Variants in ADAMTSL1 observed in about 807,000 individuals in gnomAD.
ADAMTSL1 encodes ADAMTS-like protein 1.
ADAMTSL1 carries 126 observed loss-of-function variants against 201.8 expected under a neutral mutation model. The observed-to-expected ratio is 0.62, with a 90% CI of 0.54 to 0.72. The LOEUF (loss-of-function observed/expected upper bound fraction) is 0.72, where lower values mean the gene tolerates loss of function less well. ADAMTSL1 is among the 30% of genes least tolerant of loss of function. ADAMTSL1 has a pLI of 0.00. For synonymous variants in ADAMTSL1, 1,121 were observed against 903.4 expected (o/e 1.24, Z -4.32); for missense variants, 2,679 against 2,277.8 (o/e 1.18, Z -3.59).
intron 2 of ADAMTSL1, among the ~76,000 whole-genome samples, chr9:18,349,617 T>G (rs1438511808): frequency 6.6e-6 from 1 of 152,164 alleles, no homozygotes; most frequent in Admixed American, 6.5e-5. Context: ...GTGGAAAATA[T>G]TTGGTATCCT....
At chr9:18,523,267 T>C (rs1194875597) in intron 2 of ADAMTSL1, among the ~76,000 whole-genome samples, 2 of 152,220 alleles carry the variant, frequency 1.3e-5, no homozygotes, top group Non-Finnish European at 2.9e-5. Flanking sequence ...TCATATCCTT[T>C]TCCCACTTTT....
At chr9:18,576,424 GA>G (rs1281606415) in intron 4 of ADAMTSL1, among the ~76,000 whole-genome samples, 1 of 152,156 alleles carries the variant, frequency 6.6e-6, no homozygotes, top group Non-Finnish European at 1.5e-5. Flanking sequence ...CACCTTGATA[GA>G]AAATGACAGC....
At chr9:17,966,383 G>T (rs1047870488) in intron 1 of ADAMTSL1, among the ~76,000 whole-genome samples, 10 of 152,088 alleles carry the variant, frequency 6.6e-5, no homozygotes, top group African/African-American at 2.4e-4. Context: ...AGTTGAAGGT[G>T]AACACCACCC....
chr9:18,650,126 C>A lies in ADAMTSL1; in HGVS notation c.835-7513C>A, dbSNP rs116160267. Among the ~76,000 whole-genome samples, 787 of 152,340 alleles carry A rather than the reference C, an allele frequency of 5.2e-3. 6 individuals carry two copies. Among genetic ancestry groups the A allele is most frequent in the African/African-American group, 0.018 (744 of 41,584 alleles). On this transcript the variant is annotated intron_variant, in intron 7 of 28. Transcript: ENST00000380548. ...GCCCATCCCCAAGCCTCGCTGCCGC[C>A]TTGCAGTTTGATCTCTGACTGCTTT...
intron 23 of ADAMTSL1, among the ~76,000 whole-genome samples, chr9:18,881,935 C>A (rs1056489413): frequency 6.6e-6 from 1 of 152,146 alleles, no homozygotes; most frequent in East Asian, 1.9e-4. Context: ...GGAACAAGAC[C>A]AAGACCCAAG....
rs766637546 is a variant in ADAMTSL1, at chr9:18,680,339, C to T, written c.1164C>T (p.Cys388=). The T allele has an allele frequency of 4.3e-6, 7 of 1,614,144 alleles. No individual in the cohort carries two copies. The highest frequency in any genetic ancestry group is 5.9e-6 in the Non-Finnish European group (7 of 1,180,030). The change falls in exon 11 of 29, where the codon TGC becomes TGT. Residue 388 remains cysteine (C), a synonymous_variant. Transcript: ENST00000380548. ...PRWEATPWTA[C]SSSCGGGIQS... ...GGGAGGCCACCCCATGGACCGCGTG[C>T]TCCTCCTCGTGTGGGGGGGGCATCC...
chr9:18,214,341 G>A (rs1293490154), intron 2 of ADAMTSL1, among the ~76,000 whole-genome samples: 2 of 152,174 alleles, frequency 1.3e-5, no homozygotes, highest in Non-Finnish European at 2.9e-5. Flanking sequence ...GTTATGTAGT[G>A]TGTTTGTTAT....
At chr9:18,376,511 T>A (rs1288958016) in intron 2 of ADAMTSL1, among the ~76,000 whole-genome samples, 1 of 152,042 alleles carries the variant, frequency 6.6e-6, no homozygotes, top group African/African-American at 2.4e-5. Flanking sequence ...GTAATAGAAA[T>A]AAAAGACTTA....
chr9:18,881,554 A>C (rs1479020544), intron 23 of ADAMTSL1, among the ~76,000 whole-genome samples: 2 of 152,218 alleles, frequency 1.3e-5, no homozygotes, highest in Non-Finnish European at 2.9e-5. Context: ...ACCCCAAAAC[A>C]ATTACAATAG....
intron 23 of ADAMTSL1, among the ~76,000 whole-genome samples, chr9:18,839,811 T>C (rs1455238565): frequency 1.3e-5 from 2 of 151,878 alleles, no homozygotes; most frequent in South Asian, 2.1e-4. Context: ...TTTCATGTGT[T>C]TTTTGGCTGC....
intron 1 of ADAMTSL1, among the ~76,000 whole-genome samples, chr9:17,917,691 G>A (rs115343832): frequency 0.016 from 2,448 of 151,922 alleles, 65 homozygotes; most frequent in African/African-American, 0.053. Flanking sequence ...GAGCAATGCC[G>A]GCTTCATAGA....
chr9:18,883,885 CA>C (rs1828695570), intron 23 of ADAMTSL1, among the ~76,000 whole-genome samples: 1 of 152,106 alleles, frequency 6.6e-6, no homozygotes, highest in Non-Finnish European at 1.5e-5. Flanking sequence ...CATAGGTGTA[CA>C]AATATCTTTT....
chr9:18,270,381 T>A (rs779685011), intron 2 of ADAMTSL1, among the ~76,000 whole-genome samples: 14 of 152,076 alleles, frequency 9.2e-5, no homozygotes, highest in Admixed American at 1.3e-4. Flanking sequence ...GTTCAGACCA[T>A]AGGAGACTTC....
intron 2 of ADAMTSL1, among the ~76,000 whole-genome samples, chr9:18,193,851 A>T (rs573311868): frequency 6.6e-6 from 1 of 152,210 alleles, no homozygotes; most frequent in South Asian, 2.1e-4. Flanking sequence ...TATTATTTGA[A>T]TCCCTGTATT....
intron 25 of ADAMTSL1, 150 bp downstream of exon 25, chr9:18,889,898 C>A: frequency 2.7e-6 from 2 of 740,874 alleles, no homozygotes; most frequent in Non-Finnish European, 3.9e-6. Flanking sequence ...GCTTATCAGG[C>A]CTCTCCACCT....
chr9:17,947,346 C>CA (rs1554668688), intron 1 of ADAMTSL1, among the ~76,000 whole-genome samples: 401 of 93,756 alleles, frequency 4.3e-3, no homozygotes, highest in African/African-American at 0.017. Context: ...CACACACACA[C>CA]CCCACTATGC....
intron 1 of ADAMTSL1, among the ~76,000 whole-genome samples, chr9:17,962,746 T>C (rs1273479658): frequency 6.6e-6 from 1 of 152,222 alleles, no homozygotes; most frequent in Non-Finnish European, 1.5e-5. Context: ...TGTATATGTT[T>C]TAAAATTTCA....
intron 14 of ADAMTSL1, among the ~76,000 whole-genome samples, chr9:18,708,196 G>A (rs1438023739): frequency 1.3e-5 from 2 of 152,210 alleles, no homozygotes; most frequent in Non-Finnish European, 2.9e-5. Flanking sequence ...TGTCATGATT[G>A]AGAACGTAAG....
intron 3 of ADAMTSL1, among the ~76,000 whole-genome samples, chr9:18,546,499 G>A (rs772489806): frequency 1.1e-4 from 16 of 151,844 alleles, no homozygotes; most frequent in Non-Finnish European, 2.2e-4. Flanking sequence ...TTTAACACCC[G>A]TATCCAACAA....
Sources: allele counts gnomAD v4.1 joint callset (sites outside exome capture counted in the v4.1 genomes callset), GRCh38; gene constraint gnomAD v4.1.1; transcripts MANE v1.5; gene names NCBI Gene and HGNC (gene_info 2026-07-23, HGNC 2026-07-21).